The following AMZ1 variants were observed in gnomAD, a reference collection of about 807,000 sequenced individuals.
The protein encoded by AMZ1 is archaelysin family metallopeptidase 1.
Under a neutral mutation model 29.9 loss-of-function variants are expected in AMZ1, and 39 were observed. The observed-to-expected ratio is 1.30, with a 90% CI of 1.01 to 1.70. AMZ1 has a LOEUF of 1.70. AMZ1 is among the 40% of genes most tolerant of loss of function. AMZ1 has a pLI of 0.00. For missense variants in AMZ1, 1,041 were observed against 680.6 expected (o/e 1.53, Z -5.89); for synonymous variants, 458 against 304.0 (o/e 1.51, Z -5.27).
chr7:2,728,006 C>CAAAA (rs747981298), intron 4 of AMZ1: 2 of 66,092 alleles, frequency 3.0e-5, no homozygotes, highest in African/African-American at 1.0e-4. Flanking sequence ...GACTCTGTCT[C>CAAAA]AAAAAAAAAA....
chr7:2,712,437 G>A lies in AMZ1; in HGVS notation c.1056G>A (p.Met352Ile), dbSNP rs1788846294. The A allele has an allele frequency of 6.2e-7, 1 of 1,611,962 alleles. No individual in the cohort carries two copies. Among genetic ancestry groups the A allele is most frequent in the South Asian group, 1.1e-5 (1 of 91,042 alleles). The change falls in exon 7 of 7, where the codon ATG (methionine) becomes ATA (isoleucine). Residue 352 changes from methionine to isoleucine, a missense_variant. By Grantham distance (10) the Met-to-Ile change is conservative. Coordinates refer to ENST00000683327, the MANE Select transcript of AMZ1 (RefSeq NM_001384743.1). ...CGCCTGCCAGCGCCGACTCGGGCAT[G>A]TGCTGTGAGAGTGACTCGGAGCCCG... ...DTPPASADSG[M>I]CCESDSEPGT...
At chr7:2,754,895 A>G (rs1460147078) in intron 4 of AMZ1, among the ~76,000 whole-genome samples, 4 of 152,212 alleles carry the variant, frequency 2.6e-5, no homozygotes, top group Non-Finnish European at 4.4e-5. Context: ...TTCTACTGTT[A>G]TCTTCTCTCA....
At chr7:2,745,630 G>C (rs1014705641) in intron 4 of AMZ1, among the ~76,000 whole-genome samples, 5 of 152,208 alleles carry the variant, frequency 3.3e-5, no homozygotes, top group Non-Finnish European at 7.3e-5. Flanking sequence ...AAAATAGCCA[G>C]CTGACATCAT....
At position 2,707,295 on chromosome 7, in the gene AMZ1, AACAC is replaced by A. The variant is rs1168115106; in HGVS notation, c.473-1283_473-1280del. Among the ~76,000 whole-genome samples, 6 of 149,136 alleles carry A rather than the reference AACAC, an allele frequency of 4.0e-5. No individual in the cohort carries two copies. The East Asian group carries it at 5.8e-4, about 14-fold the overall frequency. ...CCATCTCAAAAAAAAAAAACAAAAA[AACAC>A]ACACACACAGAACAACCTCCTTGTC... On this transcript the variant is annotated intron_variant, in intron 3 of 6. Coordinates refer to ENST00000683327, the MANE Select transcript of AMZ1 (RefSeq NM_001384743.1).
At chr7:2,721,383 C>T (rs894748704), downstream of AMZ1, among the ~76,000 whole-genome samples, 8 of 152,312 alleles carry the variant, frequency 5.3e-5, no homozygotes, top group South Asian at 4.1e-4. Context: ...GTGGATGCGA[C>T]GCATGCTGCA....
intron 4 of AMZ1, among the ~76,000 whole-genome samples, chr7:2,724,900 C>T (rs1444470207): frequency 6.6e-6 from 1 of 152,208 alleles, no homozygotes; most frequent in Non-Finnish European, 1.5e-5. Context: ...CGATTCTCGT[C>T]CCCGCCACAC....
chr7:2,714,274 T>C lies in AMZ1; in HGVS notation c.*1396T>C, dbSNP rs900782058. ...GTGGCTCACACGGTTATGGAGGGCTTCTAAGAAAAACAAAATACAAAACTA... is the reference window on the plus strand; with the variant it reads ...GTGGCTCACACGGTTATGGAGGGCTCCTAAGAAAAACAAAATACAAAACTA... On this transcript the variant is annotated 3_prime_UTR_variant, in exon 7 of 7. Coordinates refer to ENST00000683327, the MANE Select transcript of AMZ1 (RefSeq NM_001384743.1). The C allele has an allele frequency of 1.3e-5, 2 of 152,254 alleles. No homozygotes were observed. The highest frequency in any genetic ancestry group is 2.9e-5 in the Non-Finnish European group (2 of 68,048). The allele number at this position is 152,254 out of a possible 1,614,324, so 9.4% of individuals were successfully genotyped here.
chr7:2,702,381 C>T (rs569466554), intron 2 of AMZ1: 24 of 271,394 alleles, frequency 8.8e-5, no homozygotes, highest in African/African-American at 4.6e-4. Flanking sequence ...CGAGGTGGCT[C>T]GGCTCTGTGT....
chr7:2,761,284 G>C (rs929002165), upstream of AMZ1, among the ~76,000 whole-genome samples: 1 of 152,128 alleles, frequency 6.6e-6, no homozygotes, highest in Non-Finnish European at 1.5e-5. Context: ...CCTCTTCTAT[G>C]AGGTCAAAGC....
intron 4 of AMZ1, among the ~76,000 whole-genome samples, chr7:2,756,899 C>T (rs891519488): frequency 2.0e-5 from 3 of 151,746 alleles, no homozygotes; most frequent in Non-Finnish European, 4.4e-5. Flanking sequence ...CACAGTGAGA[C>T]CTCATCTCTA....
In AMZ1 at chr7:2,695,573, C is replaced by T. The variant is rs563802903; in HGVS notation, c.-218-4661C>T. Among the ~76,000 whole-genome samples, 621 of 147,774 alleles carry T rather than the reference C, an allele frequency of 4.2e-3. 6 individuals carry two copies. The highest frequency in any genetic ancestry group is 0.012 in the African/African-American group (459 of 39,758). ...TCTACAAAAAAAAAAATTGACTGGG[C>T]GTGTTGGTACATGTCCGTAGTCTCA... On this transcript the variant is annotated intron_variant, in intron 1 of 6. Coordinates refer to ENST00000683327, the MANE Select transcript of AMZ1 (RefSeq NM_001384743.1).
chr7:2,702,925 C>A, intron 3 of AMZ1, 36 bp downstream of exon 3: 5 of 1,545,352 alleles, frequency 3.2e-6, no homozygotes, highest in Non-Finnish European at 4.3e-6. Context: ...CAGGCCAAGG[C>A]AGGCCCCTTC....
At chr7:2,687,875 C>G (rs558079975), upstream of AMZ1, among the ~76,000 whole-genome samples, 1 of 152,270 alleles carries the variant, frequency 6.6e-6, no homozygotes, top group Admixed American at 6.5e-5. Flanking sequence ...CACCTGGGGC[C>G]TTAACTGGTG....
At chr7:2,739,014 G>C (rs1790361221) in intron 4 of AMZ1, among the ~76,000 whole-genome samples, 1 of 152,152 alleles carries the variant, frequency 6.6e-6, no homozygotes, top group African/African-American at 2.4e-5. Flanking sequence ...AGGAAGAGCT[G>C]CACAGGGTCC....
rs947269769 is a variant in AMZ1, at chr7:2,719,631, T to C, written c.*6753T>C. On this transcript the variant is annotated 3_prime_UTR_variant, in exon 7 of 7. Transcript: ENST00000683327. ...AAATTGTTACTCAGCTTTTCTATAA[T>C]GCTTACATCTTACATTTTCATTCTC... 8.5e-5 allele frequency among the ~76,000 whole-genome samples: 13 copies of C among 152,206 alleles called. No homozygotes were observed. Among genetic ancestry groups the C allele is most frequent in the African/African-American group, 2.9e-4 (12 of 41,470 alleles).
intron 3 of AMZ1, 116 bp from the exon 4 acceptor site, chr7:2,708,472 C>G (rs1209821564): frequency 1.2e-4 from 183 of 1,492,568 alleles, no homozygotes; most frequent in Non-Finnish European, 7.2e-6. Flanking sequence ...CCACACCTGA[C>G]TTGGGAAGGG....
intron 2 of AMZ1, 138 bp downstream of exon 2, chr7:2,700,893 G>A: frequency 1.7e-6 from 2 of 1,198,330 alleles, no homozygotes; most frequent in Non-Finnish European, 2.3e-6. Context: ...ATGCCAGGGT[G>A]GAGGCAGGGA....
chr7:2,741,069 CAAAT>C (rs760661528), intron 4 of AMZ1, among the ~76,000 whole-genome samples: 4 of 142,498 alleles, frequency 2.8e-5, no homozygotes, highest in Admixed American at 7.0e-5. Context: ...AACAAACAAA[CAAAT>C]AATCAAACAA....
chr7:2,702,319 C>A (rs1788098681), intron 2 of AMZ1: 1 of 176,836 alleles, frequency 5.7e-6, no homozygotes, highest in South Asian at 1.7e-4. Context: ...TGCAGCCATG[C>A]AGCCTGGCTC....
Sources: gnomAD v4.1 joint callset for allele counts (sites outside exome capture counted in the v4.1 genomes callset) on GRCh38, gnomAD v4.1.1 for gene constraint, MANE v1.5 for transcripts, NCBI Gene and HGNC (gene_info 2026-07-23, HGNC 2026-07-21) for gene names.